The following C8orf34 variants were observed in gnomAD, a reference collection of about 807,000 sequenced individuals.
The protein encoded by C8orf34 is uncharacterized protein C8orf34.
In C8orf34, 65 loss-of-function variants were observed where a neutral mutation model predicts 68.3. That is an observed-to-expected ratio of 0.95 (90% CI 0.78 to 1.17). The LOEUF (loss-of-function observed/expected upper bound fraction) is 1.17. Among genes scored for constraint, C8orf34 ranks in the 50% most tolerant of loss-of-function variants. The probability of loss-of-function intolerance (pLI) is 0.00; values close to 1 mark genes in which losing one functional copy is unlikely to be tolerated. For synonymous variants in C8orf34, 244 were observed against 241.2 expected (o/e 1.01, Z -0.11); for missense variants, 664 against 655.4 (o/e 1.01, Z -0.14).
chr8:68,717,307 G>A (rs1209763318), intron 9 of C8orf34, among the ~76,000 whole-genome samples: 1 of 152,080 alleles, frequency 6.6e-6, no homozygotes, highest in Non-Finnish European at 1.5e-5. Context: ...ACGGGCTAGC[G>A]GTTAGGATTC....
At chr8:68,658,629 T>G (rs1251575405) in intron 8 of C8orf34, among the ~76,000 whole-genome samples, 1 of 152,196 alleles carries the variant, frequency 6.6e-6, no homozygotes, top group African/African-American at 2.4e-5. Context: ...CATTCTTTTC[T>G]CTTAGATGAA....
intron 7 of C8orf34, among the ~76,000 whole-genome samples, chr8:68,586,282 T>C (rs530756414): frequency 6.6e-6 from 1 of 152,194 alleles, no homozygotes; most frequent in Non-Finnish European, 1.5e-5. Flanking sequence ...ATCAAAAATC[T>C]GCATTTATTG....
intron 1 of C8orf34, among the ~76,000 whole-genome samples, chr8:68,422,893 G>A (rs1268706746): frequency 3.3e-5 from 5 of 152,298 alleles, no homozygotes; most frequent in Admixed American, 2.6e-4. Context: ...AAACTGCCAA[G>A]GCTTGGGGCT....
In C8orf34 at chr8:68,798,632, C is replaced by T. The variant is rs541918241; in HGVS notation, c.1549+11096C>T. 3.3e-5 allele frequency among the ~76,000 whole-genome samples: 5 copies of T among 152,118 alleles called. No homozygotes were observed. The East Asian group carries it at 9.7e-4, about 29-fold the overall frequency. On this transcript the variant is annotated intron_variant, in intron 12 of 13. Coordinates refer to ENST00000518698, the MANE Select transcript of C8orf34 (RefSeq NM_052958.4). ...ATTACTGTCAATTATTTGTTAAAAGCAAAACATTCCAATGCCAAATTGCAA... is the reference window on the plus strand; with the variant it reads ...ATTACTGTCAATTATTTGTTAAAAGTAAAACATTCCAATGCCAAATTGCAA...
chr8:68,344,757 A>G (rs1806211176), intron 1 of C8orf34, among the ~76,000 whole-genome samples: 1 of 152,158 alleles, frequency 6.6e-6, no homozygotes, highest in Non-Finnish European at 1.5e-5. Context: ...ATTTGAATAT[A>G]CAGATAGATT....
chr8:68,415,781 AC>A (rs1809639691), intron 1 of C8orf34, among the ~76,000 whole-genome samples: 1 of 152,210 alleles, frequency 6.6e-6, no homozygotes, highest in Admixed American at 6.6e-5. Context: ...TAGTAAGAAG[AC>A]TTGTTCAGCA....
At chr8:68,702,158 A>T (rs1001874398) in intron 8 of C8orf34, among the ~76,000 whole-genome samples, 5 of 152,064 alleles carry the variant, frequency 3.3e-5, no homozygotes, top group Non-Finnish European at 5.9e-5. Flanking sequence ...GAAGCTGGCC[A>T]GCTTTACCTA....
At chr8:68,489,526 C>T (rs978908172) in intron 5 of C8orf34, among the ~76,000 whole-genome samples, 5 of 152,150 alleles carry the variant, frequency 3.3e-5, no homozygotes, top group African/African-American at 1.2e-4. Context: ...ACATTTTATA[C>T]ACATCACCTG....
chr8:68,728,967 A>G (rs1267778478), intron 10 of C8orf34, among the ~76,000 whole-genome samples: 4 of 152,204 alleles, frequency 2.6e-5, no homozygotes, highest in Non-Finnish European at 4.4e-5. Context: ...CACATATGCC[A>G]TATTTCCCAA....
intron 10 of C8orf34, among the ~76,000 whole-genome samples, chr8:68,772,739 T>TTCTC (rs767536960): frequency 6.8e-6 from 1 of 147,266 alleles, no homozygotes; most frequent in Non-Finnish European, 1.5e-5. Context: ...CTTTCTTTCT[T>TTCTC]TCTCTCTTTC....
chr8:68,437,482 C>T (rs545167665), intron 1 of C8orf34, among the ~76,000 whole-genome samples: 2 of 152,094 alleles, frequency 1.3e-5, no homozygotes, highest in African/African-American at 4.8e-5. Flanking sequence ...TTTTCTGGAA[C>T]CCTTTATAAT....
intron 7 of C8orf34, among the ~76,000 whole-genome samples, chr8:68,600,737 G>C (rs1586431951): frequency 2.0e-5 from 3 of 152,228 alleles, no homozygotes; most frequent in East Asian, 3.9e-4. Flanking sequence ...TTATCACCTT[G>C]AGCATTTGTA....
At chr8:68,532,620 G>C (rs1257384530) in intron 6 of C8orf34, among the ~76,000 whole-genome samples, 1 of 152,022 alleles carries the variant, frequency 6.6e-6, no homozygotes, top group Admixed American at 6.6e-5. Context: ...TTATTCCATC[G>C]AATGTGTTTT....
intron 5 of C8orf34, among the ~76,000 whole-genome samples, chr8:68,505,956 A>G (rs940323417): frequency 2.0e-5 from 3 of 152,184 alleles, no homozygotes; most frequent in Non-Finnish European, 4.4e-5. Context: ...AATATAATGA[A>G]CACCTAGGTA....
intron 7 of C8orf34, among the ~76,000 whole-genome samples, chr8:68,605,218 G>A (rs890818409): frequency 3.3e-5 from 5 of 152,156 alleles, no homozygotes; most frequent in Admixed American, 1.3e-4. Flanking sequence ...CCAAATGCTG[G>A]CAAGGATTTG....
chr8:68,644,341 T>C (rs1819102465), intron 8 of C8orf34, among the ~76,000 whole-genome samples: 1 of 152,162 alleles, frequency 6.6e-6, no homozygotes, highest in South Asian at 2.1e-4. Flanking sequence ...AAAGTTTACC[T>C]GGGCATGGTG....
intron 7 of C8orf34, chr8:68,533,371 G>T (rs1815331661): frequency 8.7e-6 from 11 of 1,261,638 alleles, no homozygotes; most frequent in Non-Finnish European, 1.1e-5. Context: ...TTTGTGCTTT[G>T]TGTATGCTGC....
intron 9 of C8orf34, among the ~76,000 whole-genome samples, chr8:68,709,895 C>T (rs538394984): frequency 3.9e-5 from 6 of 152,182 alleles, no homozygotes; most frequent in East Asian, 3.9e-4. Context: ...CTTCATCAGT[C>T]AGCATAATAG....
chr8:68,390,654 A>G (rs1808444513), intron 1 of C8orf34, among the ~76,000 whole-genome samples: 1 of 152,124 alleles, frequency 6.6e-6, no homozygotes, highest in Non-Finnish European at 1.5e-5. Context: ...TTTGGAACAC[A>G]GGGGATCTGA....
Sources: gnomAD v4.1 joint callset for allele counts (sites outside exome capture counted in the v4.1 genomes callset) on GRCh38, gnomAD v4.1.1 for gene constraint, MANE v1.5 for transcripts, NCBI Gene and HGNC (gene_info 2026-07-23, HGNC 2026-07-21) for gene names.